TNFRSF19: variants seen among roughly 807,000 people sequenced by gnomAD.
TNFRSF19 encodes the protein TNF receptor superfamily member 19, also known as tumor necrosis factor receptor superfamily member 19.
A neutral mutation model predicts 46.4 loss-of-function variants in TNFRSF19; 27 were observed. The observed-to-expected ratio is 0.58, with a 90% CI of 0.43 to 0.80. TNFRSF19 has a LOEUF of 0.80. Ranked by LOEUF, TNFRSF19 falls within the 30% of genes least tolerant of loss-of-function variation. TNFRSF19 has a pLI of 0.00. For synonymous variants in TNFRSF19, 204 were observed against 205.0 expected (o/e 1.00, Z 0.04); for missense variants, 511 against 530.8 (o/e 0.96, Z 0.37).
At chr13:23,652,529 A>T (rs1441147024) in intron 5 of TNFRSF19, among the ~76,000 whole-genome samples, 1 of 152,196 alleles carries the variant, frequency 6.6e-6, no homozygotes, top group Non-Finnish European at 1.5e-5. Flanking sequence ...TTTTTGTTTG[A>T]TATTCATTCC....
chr13:23,646,715 T>G (rs1883355132), intron 5 of TNFRSF19, among the ~76,000 whole-genome samples: 1 of 152,222 alleles, frequency 6.6e-6, no homozygotes, highest in Non-Finnish European at 1.5e-5. Context: ...GTTTCCACCT[T>G]TTGGCTATTG....
At chr13:23,626,900 T>C (rs1196152076) in intron 5 of TNFRSF19, 108 bp downstream of exon 5, 1 of 1,011,204 alleles carries the variant, frequency 9.9e-7, no homozygotes, top group East Asian at 2.6e-5. Flanking sequence ...CTGTCTCTCC[T>C]GTGGGGTGTA....
At chr13:23,598,430 A>G (rs1282888664) in intron 3 of TNFRSF19, among the ~76,000 whole-genome samples, 2 of 152,208 alleles carry the variant, frequency 1.3e-5, no homozygotes, top group African/African-American at 4.8e-5. Context: ...CATGAATGCT[A>G]CTACTTACTG....
In TNFRSF19 at chr13:23,594,455, G is replaced by A. The variant is rs911130223; in HGVS notation, c.180+1000G>A. The A allele has an allele frequency of 2.5e-5, 6 of 242,292 alleles. No homozygotes were observed. The East Asian group carries it at 7.8e-4, about 31-fold the overall frequency. The allele number at this position is 242,292 out of a possible 1,614,324, so 15.0% of individuals were successfully genotyped here. A position where few individuals can be genotyped will look rare whatever the true frequency, so the allele number is the denominator to read the frequency against. The stretch of plus-strand genomic sequence containing the variant: ...GCCATTACTGAGGATTGAGTAGGTG[G>A]TTTTCCCCTCACAGTGTAAACAAAG... On this transcript the variant is annotated intron_variant, in intron 3 of 9. Coordinates refer to ENST00000248484, the MANE Select transcript of TNFRSF19 (RefSeq NM_148957.4).
At chr13:23,579,599 G>T (rs527831946) in intron 1 of TNFRSF19, 14 of 152,410 alleles carry the variant, frequency 9.2e-5, no homozygotes, top group African/African-American at 2.9e-4. Context: ...GTGGATCCCC[G>T]CTGGGTGGGA....
At chr13:23,652,111 C>T (rs186820967) in intron 5 of TNFRSF19, among the ~76,000 whole-genome samples, 2 of 152,154 alleles carry the variant, frequency 1.3e-5, no homozygotes, top group East Asian at 3.9e-4. Flanking sequence ...TATATGGTAG[C>T]TGTGATGGTG....
chr13:23,603,524 A>G (rs117916916), intron 3 of TNFRSF19, among the ~76,000 whole-genome samples: 1,712 of 152,172 alleles, frequency 0.011, 17 homozygotes, highest in Non-Finnish European at 0.017. Context: ...CAAAGAAACT[A>G]TAGACCAATA....
intron 1 of TNFRSF19, among the ~76,000 whole-genome samples, chr13:23,573,151 G>A (rs1041776042): frequency 1.3e-5 from 2 of 152,202 alleles, no homozygotes; most frequent in African/African-American, 4.8e-5. Flanking sequence ...CTAGTCCAAT[G>A]TTCTTTCCAG....
At chr13:23,672,751 C>T (rs371634286) in intron 9 of TNFRSF19, among the ~76,000 whole-genome samples, 1 of 152,136 alleles carries the variant, frequency 6.6e-6, no homozygotes, top group South Asian at 2.1e-4. Flanking sequence ...GTCCCCTTCC[C>T]GGCATTGACG....
intron 5 of TNFRSF19, among the ~76,000 whole-genome samples, chr13:23,648,936 G>A (rs576964346): frequency 7.2e-5 from 11 of 152,192 alleles, no homozygotes; most frequent in East Asian, 5.8e-4. Context: ...CCACTTGGTC[G>A]TGGTGTATAA....
intron 3 of TNFRSF19, among the ~76,000 whole-genome samples, chr13:23,595,424 T>G (rs1879646687): frequency 6.6e-6 from 1 of 152,170 alleles, no homozygotes; most frequent in Non-Finnish European, 1.5e-5. Flanking sequence ...AATGACCTGA[T>G]GGAGCTGAAA....
At chr13:23,672,092 C>T (rs376198186) in intron 9 of TNFRSF19, among the ~76,000 whole-genome samples, 41 of 152,234 alleles carry the variant, frequency 2.7e-4, no homozygotes, top group African/African-American at 9.6e-4. Context: ...ATGATTTCAG[C>T]GCATGATGCA....
chr13:23,614,091 T>C (rs1251385898), intron 3 of TNFRSF19, among the ~76,000 whole-genome samples: 3 of 151,590 alleles, frequency 2.0e-5, no homozygotes, highest in Admixed American at 6.6e-5. Context: ...TCAAGTGTTG[T>C]TTGTCTCCCC....
intron 5 of TNFRSF19, among the ~76,000 whole-genome samples, chr13:23,647,074 T>C (rs549759725): frequency 6.6e-6 from 1 of 152,346 alleles, no homozygotes; most frequent in African/African-American, 2.4e-5. Flanking sequence ...TGGCCATTAG[T>C]ATGTCTTTTG....
At chr13:23,664,606 T>G (rs1008172302) in intron 7 of TNFRSF19, among the ~76,000 whole-genome samples, 13 of 152,244 alleles carry the variant, frequency 8.5e-5, no homozygotes, top group African/African-American at 2.7e-4. Context: ...CATCTGTATT[T>G]GTTTTCACCA....
chr13:23,662,889 T>C (rs565267114), intron 7 of TNFRSF19, among the ~76,000 whole-genome samples: 12 of 152,348 alleles, frequency 7.9e-5, no homozygotes, highest in African/African-American at 2.9e-4. Flanking sequence ...TTTGCTGAGG[T>C]TGTTTATCAG....
At chr13:23,577,158 C>T (rs2138135472) in intron 1 of TNFRSF19, among the ~76,000 whole-genome samples, 1 of 152,318 alleles carries the variant, frequency 6.6e-6, no homozygotes, top group South Asian at 2.1e-4. Flanking sequence ...TACTGAATGA[C>T]AGGTTGGCAT....
At position 23,673,973 on chromosome 13, in the gene TNFRSF19, G is replaced by C. The variant is rs1951792839; in HGVS notation, c.*593G>C. 2 of 152,164 alleles carry C rather than the reference G, an allele frequency of 1.3e-5. No individual in the cohort carries two copies. The highest frequency in any genetic ancestry group is 6.5e-5 in the Admixed American group (1 of 15,276). The allele number at this position is 152,164 out of a possible 1,614,324, so 9.4% of individuals were successfully genotyped here. A position where few individuals can be genotyped will look rare whatever the true frequency, so the allele number is the denominator to read the frequency against. On this transcript the variant is annotated 3_prime_UTR_variant, in exon 10 of 10. Coordinates refer to ENST00000248484, the MANE Select transcript of TNFRSF19 (RefSeq NM_148957.4). The stretch of plus-strand genomic sequence containing the variant: ...CTAAATCTTGGGTTTATTAGATGAA[G>C]TTTACTGAATCAGAGGAATCAGACA...
chr13:23,600,135 C>A lies in TNFRSF19; in HGVS notation c.180+6680C>A, dbSNP rs1322927795. 3.9e-5 allele frequency among the ~76,000 whole-genome samples: 6 copies of A among 152,090 alleles called. No homozygotes were observed. The East Asian group carries it at 1.2e-3, about 29-fold the overall frequency. On this transcript the variant is annotated intron_variant, in intron 3 of 9. Transcript: ENST00000248484. ...GAGAATCAGACCATAAGATGAAAGT[C>A]CTATTAGCCTTAATATTTTTGTTGA...
Sources: allele counts gnomAD v4.1 joint callset (sites outside exome capture counted in the v4.1 genomes callset), GRCh38; gene constraint gnomAD v4.1.1; transcripts MANE v1.5; gene names NCBI Gene and HGNC (gene_info 2026-07-23, HGNC 2026-07-21).